Variants in CELF2 observed in about 807,000 individuals in gnomAD.
The protein encoded by CELF2 is CUG triplet repeat RNA-binding protein 2.
A neutral mutation model predicts 62.6 loss-of-function variants in CELF2; 8 were observed. That is an observed-to-expected ratio of 0.13 (90% confidence interval 0.07 to 0.23). The LOEUF (loss-of-function observed/expected upper bound fraction) is 0.23. Ranked by LOEUF, CELF2 falls within the 10% of genes least tolerant of loss-of-function variation. The pLI, the probability that CELF2 is intolerant of heterozygous loss-of-function variation, is 1.00. For missense variants in CELF2, 333 were observed against 671.0 expected, an observed-to-expected ratio of 0.50 and a Z score of 5.56; for synonymous variants, 258 against 250.0, an observed-to-expected ratio of 1.03 and a Z score of -0.30.
the CELF2 span, among the ~76,000 whole-genome samples, chr10:10,538,106 G>A: frequency 2.6e-5 from 4 of 152,302 alleles, no homozygotes; most frequent in Non-Finnish European, 5.9e-5. Context: ...AAAGGGGAAG[G>A]CAGTGGTCAC....
the CELF2 span, among the ~76,000 whole-genome samples, chr10:10,558,519 G>A: frequency 6.6e-6 from 1 of 151,974 alleles, no homozygotes; most frequent in East Asian, 1.9e-4. Context: ...GTCTCTGCCC[G>A]GCTTTGGTAT....
chr10:10,746,356 C>G, the CELF2 span, among the ~76,000 whole-genome samples: 1 of 152,154 alleles, frequency 6.6e-6, no homozygotes, highest in Non-Finnish European at 1.5e-5. Flanking sequence ...GTTAGTCACC[C>G]CGTTTGCTTA....
rs1221001893 is a variant in CELF2 at position 11,332,528 on chromosome 10, T to A, written c.*3475T>A. 1 of 152,664 alleles carries A rather than the reference T, an allele frequency of 6.6e-6. No homozygotes were observed. The highest frequency in any genetic ancestry group is 1.5e-5 in the Non-Finnish European group (1 of 68,046). 9.5% of individuals were successfully genotyped at this position (152,664 alleles called of 1,614,324 possible). On this transcript the variant is annotated 3_prime_UTR_variant, in exon 13 of 13. Transcript: ENST00000633077. ...TAGCACCAGTTCCTGCTGCCACTTTTTAAAGTGCCATATGACTTTCTACGA... is the reference window on the plus strand; with the variant it reads ...TAGCACCAGTTCCTGCTGCCACTTTATAAAGTGCCATATGACTTTCTACGA...
the CELF2 span, among the ~76,000 whole-genome samples, chr10:10,567,291 A>G: frequency 6.6e-6 from 1 of 152,234 alleles, no homozygotes. Context: ...GGAAAAGTGC[A>G]TTGACTTTAA....
the CELF2 span, among the ~76,000 whole-genome samples, chr10:10,724,540 C>T: frequency 6.6e-6 from 1 of 151,532 alleles, no homozygotes; most frequent in African/African-American, 2.4e-5. Context: ...CCTGTAATCC[C>T]AGCTACTCAG....
the CELF2 span, among the ~76,000 whole-genome samples, chr10:10,547,598 T>C: frequency 6.6e-6 from 1 of 152,246 alleles, no homozygotes; most frequent in South Asian, 2.1e-4. Context: ...CCACTTGGTC[T>C]CTGTGGCAGC....
chr10:11,041,305 A>G (rs2061808726), intron 1 of CELF2, among the ~76,000 whole-genome samples: 1 of 152,158 alleles, frequency 6.6e-6, no homozygotes, highest in South Asian at 2.1e-4. Flanking sequence ...AGTCCATGAT[A>G]AACAGTGGTG....
the CELF2 span, among the ~76,000 whole-genome samples, chr10:10,734,257 A>G: frequency 2.6e-4 from 40 of 152,224 alleles, no homozygotes; most frequent in Non-Finnish European, 4.4e-4. Flanking sequence ...ACAACTTGCT[A>G]TTGGTAATAG....
the CELF2 span, among the ~76,000 whole-genome samples, chr10:10,729,533 T>C: frequency 1.3e-5 from 2 of 152,152 alleles, no homozygotes; most frequent in Non-Finnish European, 2.9e-5. Flanking sequence ...TGGCATTATA[T>C]GAGACAAAGA....
intron 2 of CELF2, among the ~76,000 whole-genome samples, chr10:11,205,400 A>T (rs2060203947): frequency 6.6e-6 from 1 of 152,228 alleles, no homozygotes; most frequent in African/African-American, 2.4e-5. Context: ...CGCTCTATGG[A>T]GAAACATGTT....
At chr10:10,675,455 G>T in the CELF2 span, among the ~76,000 whole-genome samples, 2 of 152,084 alleles carry the variant, frequency 1.3e-5, no homozygotes, top group Non-Finnish European at 2.9e-5. Context: ...AGGCCTAGGT[G>T]TAGTTCTGGC....
intron 2 of CELF2, among the ~76,000 whole-genome samples, chr10:11,205,573 G>A (rs2060242341): frequency 6.6e-6 from 1 of 152,182 alleles, no homozygotes; most frequent in South Asian, 2.1e-4. Flanking sequence ...TTAGGGAGGT[G>A]AGGTCATCAG....
intron 1 of CELF2, among the ~76,000 whole-genome samples, chr10:11,038,764 G>A (rs1033262457): frequency 2.0e-5 from 3 of 152,162 alleles, no homozygotes; most frequent in Non-Finnish European, 4.4e-5. Flanking sequence ...TCTAACATTA[G>A]TATAAATATC....
At chr10:10,492,180 C>T in the CELF2 span, among the ~76,000 whole-genome samples, 2 of 152,170 alleles carry the variant, frequency 1.3e-5, no homozygotes, top group Non-Finnish European at 2.9e-5. Flanking sequence ...GCAGTTCATC[C>T]TCTGTCCTCT....
chr10:10,783,000 C>T, the CELF2 span, among the ~76,000 whole-genome samples: 3 of 152,168 alleles, frequency 2.0e-5, no homozygotes, highest in Non-Finnish European at 4.4e-5. Context: ...CTATGAAGAT[C>T]ATGAATATGT....
At chr10:10,629,871 AAAAAAG>A in the CELF2 span, among the ~76,000 whole-genome samples, 27 of 145,276 alleles carry the variant, frequency 1.9e-4, 8 homozygotes, top group Non-Finnish European at 2.7e-4. Flanking sequence ...CAAAAAAAAA[AAAAAAG>A]AAAAAAAAAA....
rs2056386033 is a variant in CELF2, at chr10:11,011,102, C to T, written c.53+5662C>T. On this transcript the variant is annotated intron_variant, in intron 1 of 12. Transcript: ENST00000416382. This position sits in a 1 kb window ranked among gnomAD's most constrained non-coding sequence, Gnocchi z 4.6. The stretch of plus-strand genomic sequence containing the variant: ...TTGAATTAAAGCATCCCATGCCTCA[C>T]TTCTCTTGGGCTTGAATCTGTATAA... The T allele has an allele frequency of 6.6e-6, 1 of 152,060 alleles. No individual in the cohort carries two copies. The highest frequency in any genetic ancestry group is 6.5e-5 in the Admixed American group (1 of 15,268). 9.4% of individuals were successfully genotyped at this position (152,060 alleles called of 1,614,324 possible). A position where few individuals can be genotyped will look rare whatever the true frequency, so the allele number is the denominator to read the frequency against.
At chr10:10,904,164 C>A (rs905356180) in intron 1 of CELF2, among the ~76,000 whole-genome samples, 5 of 152,120 alleles carry the variant, frequency 3.3e-5, no homozygotes, top group African/African-American at 1.2e-4. Flanking sequence ...TTAAACTGAA[C>A]CATATTATTC....
chr10:10,739,215 ACT>A, the CELF2 span, among the ~76,000 whole-genome samples: 1 of 152,120 alleles, frequency 6.6e-6, no homozygotes, highest in Non-Finnish European at 1.5e-5. Flanking sequence ...TCTATAGAAA[ACT>A]CAGGACAGAT....
Sources: gnomAD v4.1 joint callset for allele counts (sites outside exome capture counted in the v4.1 genomes callset) on GRCh38, gnomAD v4.1.1 for gene constraint, Gnocchi (gnomAD v3.1) non-coding constraint, MANE v1.5 for transcripts, NCBI Gene and HGNC (gene_info 2026-07-23, HGNC 2026-07-21) for gene names.